The following ELP4 variants were observed in gnomAD, a reference collection of about 807,000 sequenced individuals.
ELP4 encodes elongator complex protein 4.
In ELP4, 51 loss-of-function variants were observed where a neutral mutation model predicts 48.9. The ratio of observed to expected loss-of-function variants is 1.04; its 90% CI spans 0.83 to 1.32. The LOEUF (loss-of-function observed/expected upper bound fraction) is 1.32. ELP4 is among the 40% of genes most tolerant of loss of function. ELP4 has a pLI of 0.00. For synonymous variants in ELP4, 210 were observed against 189.2 expected (o/e 1.11, Z -0.90); for missense variants, 519 against 514.6 (o/e 1.01, Z -0.08).
intron 1 of ELP4, among the ~76,000 whole-genome samples, chr11:31,516,027 G>T (rs1468060452): frequency 1.3e-5 from 2 of 151,728 alleles, no homozygotes; most frequent in South Asian, 4.2e-4. Flanking sequence ...AGGAGAATGG[G>T]GGGTGAAACC....
chr11:31,772,879 G>A (rs2134273208), intron 9 of ELP4, among the ~76,000 whole-genome samples: 1 of 152,314 alleles, frequency 6.6e-6, no homozygotes, highest in Admixed American at 6.5e-5. Flanking sequence ...CTACTGGCTA[G>A]AAACTGCAAA....
chr11:31,581,128 T>C (rs1328865655), intron 3 of ELP4, among the ~76,000 whole-genome samples: 2 of 152,196 alleles, frequency 1.3e-5, no homozygotes, highest in African/African-American at 4.8e-5. Flanking sequence ...CTCTTAAATG[T>C]ATGTAAGTGT....
At chr11:31,723,057 C>T (rs1291894728) in intron 9 of ELP4, among the ~76,000 whole-genome samples, 1 of 152,196 alleles carries the variant, frequency 6.6e-6, no homozygotes, top group African/African-American at 2.4e-5. Flanking sequence ...CTTACCCCTG[C>T]CCAGTCACCC....
chr11:31,611,271 G>A (rs1464294116), intron 5 of ELP4, among the ~76,000 whole-genome samples: 3 of 152,204 alleles, frequency 2.0e-5, no homozygotes, highest in Non-Finnish European at 4.4e-5. Flanking sequence ...CATGAAATGT[G>A]ACTAGTAAGA....
At chr11:31,741,529 G>A (rs1197408862) in intron 9 of ELP4, among the ~76,000 whole-genome samples, 1 of 152,148 alleles carries the variant, frequency 6.6e-6, no homozygotes, top group East Asian at 1.9e-4. Context: ...ACACAGCCGG[G>A]TACTCCTCTG....
chr11:31,574,233 G>A (rs1592129721), intron 3 of ELP4, among the ~76,000 whole-genome samples: 1 of 152,168 alleles, frequency 6.6e-6, no homozygotes, highest in African/African-American at 2.4e-5. Flanking sequence ...CAGCGAGGCT[G>A]GGGGAGGGAC....
intron 5 of ELP4, among the ~76,000 whole-genome samples, chr11:31,611,070 G>A (rs1957969516): frequency 6.6e-6 from 1 of 152,158 alleles, no homozygotes; most frequent in South Asian, 2.1e-4. Context: ...CAGCTGTTGG[G>A]ATAGCCTCGT....
chr11:31,523,304 G>A (rs1453523409), intron 2 of ELP4, among the ~76,000 whole-genome samples: 1 of 152,072 alleles, frequency 6.6e-6, no homozygotes, highest in African/African-American at 2.4e-5. Context: ...GGAGCCTATG[G>A]TATTACTATA....
At chr11:31,700,557 G>A (rs931157712) in intron 9 of ELP4, among the ~76,000 whole-genome samples, 2 of 151,968 alleles carry the variant, frequency 1.3e-5, no homozygotes, top group African/African-American at 2.4e-5. Context: ...AGGTATCCTG[G>A]CCCAAATAAG....
rs1358293337 is a variant in ELP4 at position 31,784,958 on chromosome 11, C to G, written c.*1434C>G. 2 of 180,348 alleles carry G rather than the reference C, an allele frequency of 1.1e-5. No homozygotes were observed. Among genetic ancestry groups the G allele is most frequent in the African/African-American group, 2.4e-5 (1 of 42,446 alleles). 11.2% of individuals were successfully genotyped at this position (180,348 alleles called of 1,614,324 possible). On this transcript the variant is annotated 3_prime_UTR_variant, in exon 10 of 10. Coordinates refer to ENST00000640961, the MANE Select transcript of ELP4 (RefSeq NM_019040.5). ...CCGCTATTTCATTAGTACTAAAAAT[C>G]AGGTTTCTTATTCTATTTTTTTAGA...
At position 31,790,241 on chromosome 11, in the gene ELP4, A is replaced by T; in HGVS notation, c.*6717A>T. 1 of 516,134 alleles carries T rather than the reference A, an allele frequency of 1.9e-6. No homozygotes were observed. Among genetic ancestry groups the T allele is most frequent in the Non-Finnish European group, 3.3e-6 (1 of 304,950 alleles). 32.0% of individuals were successfully genotyped at this position (516,134 alleles called of 1,614,324 possible). ...ACCTATTGGATCCCAAGTACCCCCC[A>T]CCCCAATCCAAAGGAAAAGAAAAAA... is the stretch of plus-strand genomic sequence containing the variant. On this transcript the variant is annotated 3_prime_UTR_variant, in exon 10 of 10. Transcript: ENST00000640961.
At chr11:31,594,682 A>G in intron 3 of ELP4, 88 bp from the exon 4 acceptor site, 1 of 833,134 alleles carries the variant, frequency 1.2e-6, no homozygotes, top group South Asian at 2.8e-5. Flanking sequence ...AATACATTGG[A>G]AATTTCTAGT....
intron 9 of ELP4, among the ~76,000 whole-genome samples, chr11:31,747,118 A>C (rs1279171842): frequency 6.6e-6 from 1 of 152,142 alleles, no homozygotes; most frequent in Admixed American, 6.6e-5. Context: ...AGAGAGAGAA[A>C]GATAAAAATG....
intron 7 of ELP4, among the ~76,000 whole-genome samples, chr11:31,642,778 T>C (rs903149332): frequency 4.6e-5 from 7 of 151,822 alleles, no homozygotes; most frequent in Admixed American, 3.3e-4. Context: ...CTATCAAATA[T>C]TTTTTAATAA....
intron 9 of ELP4, among the ~76,000 whole-genome samples, chr11:31,743,387 C>T (rs1208612618): frequency 2.0e-5 from 3 of 152,118 alleles, no homozygotes; most frequent in African/African-American, 7.2e-5. Flanking sequence ...CAGCTCTGCA[C>T]CAAGTGGACC....
intron 2 of ELP4, among the ~76,000 whole-genome samples, chr11:31,535,016 A>G (rs1170698607): frequency 1.3e-5 from 2 of 152,206 alleles, no homozygotes; most frequent in African/African-American, 4.8e-5. Flanking sequence ...TCCATCTGTC[A>G]GCTGTAAGCA....
chr11:31,568,788 A>T (rs1012858395), intron 3 of ELP4, among the ~76,000 whole-genome samples: 12 of 152,186 alleles, frequency 7.9e-5, no homozygotes, highest in African/African-American at 2.7e-4. Context: ...AAGATGGATT[A>T]AAAACCTAAA....
chr11:31,557,473 G>T (rs1030623872), intron 3 of ELP4, among the ~76,000 whole-genome samples: 1 of 151,892 alleles, frequency 6.6e-6, no homozygotes, highest in Non-Finnish European at 1.5e-5. Context: ...ATAAATGTTT[G>T]TTTTTGGCAC....
intron 9 of ELP4, among the ~76,000 whole-genome samples, chr11:31,717,251 A>C (rs80275605): frequency 0.018 from 2,817 of 152,280 alleles, 92 homozygotes; most frequent in African/African-American, 0.063. Flanking sequence ...CCTCCCACTG[A>C]AACGTAGCAT....
Sources: allele counts gnomAD v4.1 joint callset (sites outside exome capture counted in the v4.1 genomes callset), GRCh38; gene constraint gnomAD v4.1.1; transcripts MANE v1.5; gene names NCBI Gene and HGNC (gene_info 2026-07-23, HGNC 2026-07-21).